Variants in NPHP1 observed in about 807,000 individuals in gnomAD.
NPHP1 encodes the protein nephrocystin-1.
A neutral mutation model predicts 90.4 loss-of-function variants in NPHP1; 70 were observed. That is an observed-to-expected ratio of 0.77 (90% CI 0.64 to 0.95). The LOEUF (loss-of-function observed/expected upper bound fraction) is 0.95. Among genes scored for constraint, NPHP1 ranks in the 40% least tolerant of loss-of-function variants. The pLI is 0.00. For synonymous variants in NPHP1, 256 were observed against 271.7 expected, an observed-to-expected ratio of 0.94 and a Z score of 0.57; for missense variants, 764 against 795.9, an observed-to-expected ratio of 0.96 and a Z score of 0.48.
At chr2:110,136,108 GACA>G (rs71383863) in intron 16 of NPHP1, among the ~76,000 whole-genome samples, 2,989 of 152,248 alleles carry the variant, frequency 0.02, 40 homozygotes, top group Non-Finnish European at 0.028. Context: ...AAAGGCCTTT[GACA>G]AAATTCAACA....
At chr2:110,178,707 C>T (rs1440642650) in intron 3 of NPHP1, 160 bp from the exon 4 acceptor site, 2 of 634,618 alleles carry the variant, frequency 3.2e-6, no homozygotes, top group East Asian at 5.6e-5. Flanking sequence ...AAGAAACAGG[C>T]AATTGTGTTG....
chr2:110,178,120 A>T, intron 4 of NPHP1: 1 of 444,090 alleles, frequency 2.3e-6, no homozygotes. Flanking sequence ...CCTTTTACAC[A>T]TCAACATTGA....
At chr2:110,125,959 A>G (rs916822168) in intron 18 of NPHP1, 2 of 479,248 alleles carry the variant, frequency 4.2e-6, no homozygotes, top group African/African-American at 3.9e-5. Flanking sequence ...TAACACATCC[A>G]TGAAAACTAT....
At chr2:110,193,482 T>C (rs1373269000) in intron 2 of NPHP1, among the ~76,000 whole-genome samples, 2 of 152,080 alleles carry the variant, frequency 1.3e-5, no homozygotes, top group Non-Finnish European at 2.9e-5. Context: ...ATGCACCCAA[T>C]ACAGGAGCAC....
chr2:110,141,536 A>T (rs1406510492), intron 16 of NPHP1, among the ~76,000 whole-genome samples: 1 of 152,164 alleles, frequency 6.6e-6, no homozygotes, highest in East Asian at 1.9e-4. Context: ...TATATTTAAA[A>T]CACCATGAGA....
intron 2 of NPHP1, among the ~76,000 whole-genome samples, chr2:110,185,596 G>A (rs915132819): frequency 1.3e-5 from 2 of 152,110 alleles, no homozygotes; most frequent in African/African-American, 4.8e-5. Context: ...AGGGTGCCCT[G>A]AGGACCCAGG....
At chr2:110,151,167 A>AG (rs1681443048) in intron 11 of NPHP1, among the ~76,000 whole-genome samples, 2 of 74,928 alleles carry the variant, frequency 2.7e-5, no homozygotes, top group Non-Finnish European at 6.1e-5. Context: ...TTCAGTCTCA[A>AG]GAAAAAAAAA....
chr2:110,178,594 T>C, intron 3 of NPHP1, 47 bp from the exon 4 acceptor site: 1 of 1,572,130 alleles, frequency 6.4e-7, no homozygotes, highest in Non-Finnish European at 8.6e-7. Context: ...AATTTCAGTT[T>C]CCTAATTTCA....
rs745639828 is a variant in NPHP1, at chr2:110,124,018, C to T, written c.1807G>A (p.Asp603Asn). The change falls in exon 20 of 20, where the codon GAC becomes AAC. Residue 603 changes from aspartate (D) to asparagine (N), a missense_variant. Transcript: ENST00000445609. Reference sequence around the variant, plus strand: ...GAGTGGAGAAGTGGGAGCACGCAGTCATGGTAAACCAGGAGAAACGTGGAC... The same window carrying T: ...GAGTGGAGAAGTGGGAGCACGCAGTTATGGTAAACCAGGAGAAACGTGGAC... ...LKSTFLLVYH[D>N]CVLPLLHSTR... 6.2e-7 allele frequency: 1 copy of T among 1,614,118 alleles called. No homozygotes were observed. Among genetic ancestry groups the T allele is most frequent in the Admixed American group, 1.7e-5 (1 of 60,018 alleles).
At chr2:110,148,178 G>C in intron 12 of NPHP1, 152 bp from the exon 13 acceptor site, 1 of 689,072 alleles carries the variant, frequency 1.5e-6, no homozygotes, top group Non-Finnish European at 2.7e-6. Flanking sequence ...TGGGTCATGA[G>C]GGCAGATCCC....
At chr2:110,197,635 C>A (rs1422444535) in intron 2 of NPHP1, among the ~76,000 whole-genome samples, 2 of 152,098 alleles carry the variant, frequency 1.3e-5, no homozygotes, top group African/African-American at 4.8e-5. Flanking sequence ...GACTTTGTAA[C>A]CATGAGGAGA....
In NPHP1 at chr2:110,199,335, AAGG is replaced by A. The variant is rs1685405357; in HGVS notation, c.143+2083_143+2085del. ...TGTAATCCCAGCTACTCAGAAGGCT[AAGG>A]CAGGAGAATCGCTTGAACCCAGGAG... On this transcript the variant is annotated intron_variant, in intron 2 of 19. Coordinates refer to ENST00000445609, the MANE Select transcript of NPHP1 (RefSeq NM_001128178.3). Among the ~76,000 whole-genome samples, 9 of 151,930 alleles carry A rather than the reference AAGG, an allele frequency of 5.9e-5. 1 individual carries two copies. The highest frequency in any genetic ancestry group is 1.3e-4 in the Admixed American group (2 of 15,244).
chr2:110,171,154 A>T (rs1683103601), intron 4 of NPHP1, among the ~76,000 whole-genome samples: 1 of 152,104 alleles, frequency 6.6e-6, no homozygotes. Flanking sequence ...AAGGAGGTGA[A>T]TCTGAGGGTG....
At chr2:110,179,462 GCA>G (rs1683733647) in intron 3 of NPHP1, among the ~76,000 whole-genome samples, 160 bp downstream of exon 3, 2 of 152,130 alleles carry the variant, frequency 1.3e-5, no homozygotes, top group Admixed American at 1.3e-4. Flanking sequence ...TTGCTCCCAA[GCA>G]CAGACTTAGC....
At position 110,150,162 on chromosome 2, in the gene NPHP1, T is replaced by C. The variant is rs1483179970; in HGVS notation, c.1158+20A>G. The stretch of plus-strand genomic sequence containing the variant: ...CTACTTTGAAATTCACTCACTCCAC[T>C]CATTCAGCAGATTACTTACCTGGGG... On this transcript the variant is annotated intron_variant, in intron 12 of 19. Coordinates refer to ENST00000445609, the MANE Select transcript of NPHP1 (RefSeq NM_001128178.3). 1.9e-6 allele frequency: 3 copies of C among 1,583,456 alleles called. No individual in the cohort carries two copies. The highest frequency in any genetic ancestry group is 2.6e-6 in the Non-Finnish European group (3 of 1,152,034).
chr2:110,154,628 G>A (rs902820645), intron 11 of NPHP1, among the ~76,000 whole-genome samples: 2 of 152,154 alleles, frequency 1.3e-5, no homozygotes, highest in Admixed American at 6.5e-5. Context: ...TTGGGCACTG[G>A]AGAAAAGGTG....
intron 18 of NPHP1, chr2:110,126,749 A>G (rs781768347): frequency 2.5e-4 from 38 of 152,630 alleles, no homozygotes; most frequent in Admixed American, 1.1e-3. Flanking sequence ...AGTTGGTGCA[A>G]AAGTAATTGT....
rs1679139409 is a variant in NPHP1, at chr2:110,123,740, T to C, written c.*51A>G. ...TTCCATCATTTTATTCACGTAATCGTGGAGGATCCATCTGATTCCGTGGGA... is the reference window on the plus strand; with the variant it reads ...TTCCATCATTTTATTCACGTAATCGCGGAGGATCCATCTGATTCCGTGGGA... On this transcript the variant is annotated 3_prime_UTR_variant, in exon 20 of 20. Transcript: ENST00000445609. 6.3e-7 allele frequency: 1 copy of C among 1,586,830 alleles called. No individual in the cohort carries two copies. The highest frequency in any genetic ancestry group is 1.3e-5 in the African/African-American group (1 of 74,456).
chr2:110,142,918 C>T (rs1394642127), intron 16 of NPHP1, among the ~76,000 whole-genome samples: 1 of 152,098 alleles, frequency 6.6e-6, no homozygotes, highest in African/African-American at 2.4e-5. Context: ...ATTACTGGCA[C>T]ATGCAATGGC....
Sources: allele counts gnomAD v4.1 joint callset (sites outside exome capture counted in the v4.1 genomes callset), GRCh38; gene constraint gnomAD v4.1.1; transcripts MANE v1.5; gene names NCBI Gene and HGNC (gene_info 2026-07-23, HGNC 2026-07-21).